The following ZNF536 variants were observed in gnomAD, a reference collection of about 807,000 sequenced individuals.
ZNF536 encodes zinc finger protein 536.
ZNF536 carries 13 observed loss-of-function variants against 84.5 expected under a neutral mutation model. The ratio of observed to expected loss-of-function variants is 0.15; its 90% CI spans 0.10 to 0.24. ZNF536 has a LOEUF of 0.24. Among genes scored for constraint, ZNF536 ranks in the 10% least tolerant of loss-of-function variants. The pLI, the probability that ZNF536 is intolerant of heterozygous loss-of-function variation, is 1.00. For synonymous variants in ZNF536, 811 were observed against 742.5 expected, an observed-to-expected ratio of 1.09 and a Z score of -1.50; for missense variants, 1,536 against 1,747.5, an observed-to-expected ratio of 0.88 and a Z score of 2.16.
At chr19:30,469,502 A>C (rs554262646) in intron 2 of ZNF536, among the ~76,000 whole-genome samples, 3 of 152,108 alleles carry the variant, frequency 2.0e-5, no homozygotes, top group Non-Finnish European at 2.9e-5. Flanking sequence ...TTACCAGGAA[A>C]AATCTTCCTC....
chr19:30,371,558 G>GTTTTTT (rs11343587), upstream of ZNF536, among the ~76,000 whole-genome samples: 1 of 135,782 alleles, frequency 7.4e-6, no homozygotes. Flanking sequence ...GTCTTTTCTT[G>GTTTTTT]TTTTTTTTTT....
intron 1 of ZNF536, among the ~76,000 whole-genome samples, chr19:30,399,125 G>A (rs1408990960): frequency 1.3e-5 from 2 of 152,118 alleles, no homozygotes; most frequent in Non-Finnish European, 2.9e-5. Context: ...GGCGTGAGAT[G>A]GTATCTCATT....
upstream of ZNF536, among the ~76,000 whole-genome samples, chr19:30,227,367 G>T (rs1394480376): frequency 6.6e-6 from 1 of 152,190 alleles, no homozygotes; most frequent in African/African-American, 2.4e-5. Flanking sequence ...AATGTTGGGG[G>T]GCGGGGAGCG....
rs572273561 is a variant in ZNF536, at chr19:30,321,524, C to T, written c.-119-30844C>T. 1.6e-3 allele frequency among the ~76,000 whole-genome samples: 249 copies of T among 152,092 alleles called. 1 individual carries two copies. The highest frequency in any genetic ancestry group is 5.7e-3 in the African/African-American group (235 of 41,498). On this transcript the variant is annotated intron_variant, in intron 2 of 5. Transcript: ENST00000585628. The stretch of plus-strand genomic sequence containing the variant: ...AGTGGGCCGAGACCACGCCACTGCA[C>T]GCCAGCCTGGATGACAGAGCGAGAC...
intron 1 of ZNF536, among the ~76,000 whole-genome samples, chr19:30,571,771 A>G (rs1159831418): frequency 6.6e-6 from 1 of 152,060 alleles, no homozygotes; most frequent in Non-Finnish European, 1.5e-5. Flanking sequence ...GCCTTGTTAG[A>G]CAGCCTGCTT....
intron 2 of ZNF536, among the ~76,000 whole-genome samples, chr19:30,447,204 C>G (rs1429119518): frequency 3.3e-5 from 5 of 152,156 alleles, no homozygotes; most frequent in African/African-American, 1.2e-4. Context: ...TCTTGATCCC[C>G]CCCACCCTCA....
intron 1 of ZNF536, among the ~76,000 whole-genome samples, chr19:30,589,694 T>G (rs2047212733): frequency 6.6e-6 from 1 of 152,054 alleles, no homozygotes; most frequent in Non-Finnish European, 1.5e-5. Flanking sequence ...GGGGACAAGG[T>G]AGAGCTGGGC....
At chr19:30,268,801 C>T in intron 1 of ZNF536, among the ~76,000 whole-genome samples, 1 of 152,198 alleles carries the variant, frequency 6.6e-6, no homozygotes, top group African/African-American at 2.4e-5. Context: ...CCTTCTTGAG[C>T]ATGTTCTGTG....
chr19:30,445,690 G>C lies in ZNF536; in HGVS notation c.2128G>C (p.Ala710Pro), dbSNP rs1283492857. 3 of 1,597,026 alleles carry C rather than the reference G, an allele frequency of 1.9e-6. No individual in the cohort carries two copies. Among genetic ancestry groups the C allele is most frequent in the African/African-American group, 2.7e-5 (2 of 74,630 alleles). The change falls in exon 2 of 5, where the codon GCC becomes CCC. Residue 710 changes from alanine to proline, a missense_variant. Ala to Pro is a conservative substitution (Grantham distance 27, BLOSUM62 -1). Coordinates refer to ENST00000355537, the MANE Select transcript of ZNF536 (RefSeq NM_014717.3). This position sits in a 1 kb window ranked among gnomAD's most constrained non-coding sequence, Gnocchi z 4.5. Reference sequence around the variant, plus strand: ...AGGCGGCCTCTCCCAGACCGGGAGTGCCCAGGAGGACAGCCCGCACCCCTC... The same window carrying C: ...AGGCGGCCTCTCCCAGACCGGGAGTCCCCAGGAGGACAGCCCGCACCCCTC... ...VGGGLSQTGS[A>P]QEDSPHPSSP... is the part of the protein sequence containing the mutation.
chr19:30,235,357 A>G (rs796941287), intron 1 of ZNF536, among the ~76,000 whole-genome samples: 13 of 152,308 alleles, frequency 8.5e-5, no homozygotes, highest in African/African-American at 3.1e-4. Flanking sequence ...TAGCACTGAG[A>G]ACAAAATCAT....
At chr19:30,282,450 G>A (rs2045482404) in intron 1 of ZNF536, among the ~76,000 whole-genome samples, 1 of 152,176 alleles carries the variant, frequency 6.6e-6, no homozygotes, top group Non-Finnish European at 1.5e-5. Flanking sequence ...GCGTGAAGCT[G>A]GACAAACCGG....
chr19:30,289,792 A>G (rs540012015), intron 2 of ZNF536, among the ~76,000 whole-genome samples: 9 of 152,310 alleles, frequency 5.9e-5, no homozygotes, highest in East Asian at 1.9e-4. Flanking sequence ...TGCCAAGGCT[A>G]CAGCCTGTGA....
At chr19:30,367,042 G>A (rs73536930) in intron 3 of ZNF536, among the ~76,000 whole-genome samples, 1,989 of 152,334 alleles carry the variant, frequency 0.013, 46 homozygotes, top group African/African-American at 0.046. Context: ...GGAGCAGAAA[G>A]AAAATGCAAT....
At chr19:30,287,452 T>C (rs1809022194) in intron 2 of ZNF536, among the ~76,000 whole-genome samples, 1 of 148,242 alleles carries the variant, frequency 6.7e-6, no homozygotes, top group Admixed American at 6.7e-5. Context: ...GATAAATGGG[T>C]GGATTGATGG....
chr19:30,329,652 G>A (rs1215414674), intron 2 of ZNF536, among the ~76,000 whole-genome samples: 1 of 152,176 alleles, frequency 6.6e-6, no homozygotes, highest in Admixed American at 6.5e-5. Context: ...GCCCAGGCGT[G>A]ATACAGACAA....
chr19:30,643,665 G>C (rs752364488), intron 1 of ZNF536, among the ~76,000 whole-genome samples: 1 of 152,044 alleles, frequency 6.6e-6, no homozygotes, highest in African/African-American at 2.4e-5. Context: ...TGCAGGGGGG[G>C]GTTTTGGGGC....
intron 1 of ZNF536, among the ~76,000 whole-genome samples, chr19:30,699,924 C>T (rs557292596): frequency 7.2e-5 from 11 of 152,230 alleles, no homozygotes; most frequent in Non-Finnish European, 1.6e-4. Context: ...CCCCCCAGGC[C>T]GGCGGGGCCC....
chr19:30,278,992 AC>A (rs779894130), intron 1 of ZNF536, among the ~76,000 whole-genome samples: 1 of 152,012 alleles, frequency 6.6e-6, no homozygotes, highest in Non-Finnish European at 1.5e-5. Flanking sequence ...CACTATCCAT[AC>A]CCAGGCCGCA....
chr19:30,429,547 A>G lies in ZNF536; in HGVS notation c.-2-14014A>G, dbSNP rs940531289. ...CTCCTCTGCACCAGGCACTAAGGAGACAAATGAACAAGATTGTTGTTCTCA... is the reference window on the plus strand; with the variant it reads ...CTCCTCTGCACCAGGCACTAAGGAGGCAAATGAACAAGATTGTTGTTCTCA... On this transcript the variant is annotated intron_variant, in intron 1 of 4. Coordinates refer to ENST00000355537, the MANE Select transcript of ZNF536 (RefSeq NM_014717.3). Among the ~76,000 whole-genome samples, 4 of 152,248 alleles carry G rather than the reference A, an allele frequency of 2.6e-5. No individual in the cohort carries two copies. In the East Asian group the frequency reaches 7.7e-4, roughly 29 times the overall value.
Sources: allele counts gnomAD v4.1 joint callset (sites outside exome capture counted in the v4.1 genomes callset), GRCh38; gene constraint gnomAD v4.1.1; non-coding constraint Gnocchi (gnomAD v3.1); transcripts MANE v1.5; gene names NCBI Gene and HGNC (gene_info 2026-07-23, HGNC 2026-07-21).